The following BICD1 variants were observed in gnomAD, a reference collection of about 807,000 sequenced individuals.
BICD1 encodes protein bicaudal D homolog 1.
In BICD1, 35 loss-of-function variants were observed where a neutral mutation model predicts 92.5. That is an observed-to-expected ratio of 0.38 (90% CI 0.29 to 0.50). The LOEUF is 0.50. BICD1 is among the 20% of genes least tolerant of loss of function. The probability of loss-of-function intolerance (pLI) is 0.93; values close to 1 mark genes in which losing one functional copy is unlikely to be tolerated. For synonymous variants in BICD1, 429 were observed against 465.1 expected, an observed-to-expected ratio of 0.92 and a Z score of 1.00; for missense variants, 950 against 1,189.8, an observed-to-expected ratio of 0.80 and a Z score of 2.97.
intron 4 of BICD1, among the ~76,000 whole-genome samples, chr12:32,314,084 T>C (rs1948442224): frequency 6.6e-6 from 1 of 152,252 alleles, no homozygotes; most frequent in Non-Finnish European, 1.5e-5. Flanking sequence ...GTCCATGCTG[T>C]AATATATCAG....
At chr12:32,142,468 A>ATCGG (rs1555134330) in intron 1 of BICD1, among the ~76,000 whole-genome samples, 1 of 117,054 alleles carries the variant, frequency 8.5e-6, no homozygotes, top group African/African-American at 3.1e-5. Context: ...CTATCTATCT[A>ATCGG]TCTATCTATC....
At position 32,377,565 on chromosome 12, in the gene BICD1, C is replaced by T; in HGVS notation, c.2866C>T (p.Gln956Ter). Reference sequence around the variant, plus strand: ...TCCTGACACAGCTCTCCCTGAGGAGCAGCCACATTCCAGCTCCCAGTGCGC... The same window carrying T: ...TCCTGACACAGCTCTCCCTGAGGAGTAGCCACATTCCAGCTCCCAGTGCGC... Reference protein sequence around the residue: ...VSPDTALPEEQPHSSSQCAPL... With the variant: ...VSPDTALPEE Residue 956 changes from glutamine (Q) to a stop codon, truncating the protein, a stop_gained, in exon 10 of 10, where the codon CAG becomes TAG. Coordinates refer to ENST00000652176, the MANE Select transcript of BICD1 (RefSeq NM_001714.4). LOFTEE classifies it high-confidence loss of function. The T allele has an allele frequency of 6.2e-7, 1 of 1,614,102 alleles. No individual in the cohort carries two copies. The highest frequency in any genetic ancestry group is 8.5e-7 in the Non-Finnish European group (1 of 1,179,988).
chr12:32,287,753 G>GATCT (rs1261144914), intron 2 of BICD1, among the ~76,000 whole-genome samples: 1 of 152,180 alleles, frequency 6.6e-6, no homozygotes, highest in Non-Finnish European at 1.5e-5. Flanking sequence ...TAGCCAGGAT[G>GATCT]ATCTCGATCT....
At chr12:32,375,204 C>T (rs1310684527) in intron 9 of BICD1, among the ~76,000 whole-genome samples, 2 of 151,812 alleles carry the variant, frequency 1.3e-5, no homozygotes, top group Admixed American at 6.6e-5. Flanking sequence ...GGATTACAGG[C>T]GTGCGCCACC....
intron 1 of BICD1, among the ~76,000 whole-genome samples, chr12:32,206,458 T>A (rs944413763): frequency 5.9e-5 from 9 of 151,956 alleles, no homozygotes; most frequent in African/African-American, 2.2e-4. Flanking sequence ...ATACAAAAAT[T>A]AGCTGGGTGT....
intron 2 of BICD1, among the ~76,000 whole-genome samples, chr12:32,233,686 T>C (rs2121597625): frequency 6.6e-6 from 1 of 152,248 alleles, no homozygotes; most frequent in Admixed American, 6.5e-5. Flanking sequence ...AATAGCTCAA[T>C]TTGGTTTCAA....
At chr12:32,346,554 A>ACGTG (rs1270360438) in intron 8 of BICD1, among the ~76,000 whole-genome samples, 1 of 27,876 alleles carries the variant, frequency 3.6e-5, no homozygotes, top group Non-Finnish European at 5.4e-5. Flanking sequence ...ATATATATAT[A>ACGTG]TATATATATA....
chr12:32,316,626 A>G lies in BICD1; in HGVS notation c.1005+10504A>G, dbSNP rs574403201. ...ATACTTAGGATATTTTCAATTTACA[A>G]TGGTTTTATTGAGATGTAACCCCAT... is the stretch of plus-strand genomic sequence containing the variant. On this transcript the variant is annotated intron_variant, in intron 4 of 9. Coordinates refer to ENST00000652176, the MANE Select transcript of BICD1 (RefSeq NM_001714.4). Among the ~76,000 whole-genome samples the G allele has an allele frequency of 7.2e-5, 11 of 152,128 alleles. No individual in the cohort carries two copies. The South Asian group carries it at 2.1e-3, about 29-fold the overall frequency.
chr12:32,337,539 CAGTT>C lies in BICD1; in HGVS notation c.2296_2299del (p.Leu766GlnfsTer10), dbSNP rs2136280402. On this transcript the variant is annotated frameshift_variant, in exon 7 of 10. Coordinates refer to ENST00000652176, the MANE Select transcript of BICD1 (RefSeq NM_001714.4). LOFTEE classifies it high-confidence loss of function. The surrounding 1 kb of genome is among the most constrained non-coding windows in gnomAD (Gnocchi z 4.7). ...CACCCAGTTGGATGAGATGCAGAGA[CAGTT>C]AGCAGCTGCAGAGGATGAGAAGAAG... 6.2e-7 allele frequency: 1 copy of C among 1,613,880 alleles called. No homozygotes were observed. Among genetic ancestry groups the C allele is most frequent in the Non-Finnish European group, 8.5e-7 (1 of 1,179,792 alleles).
At chr12:32,298,746 T>G (rs34873335) in intron 3 of BICD1, among the ~76,000 whole-genome samples, 20,429 of 150,980 alleles carry the variant, frequency 0.14, 1,893 homozygotes, top group East Asian at 0.39. Context: ...GGCACATGCC[T>G]GTAATCCCAG....
chr12:32,308,814 C>T (rs1948298044), intron 4 of BICD1, among the ~76,000 whole-genome samples: 1 of 152,136 alleles, frequency 6.6e-6, no homozygotes, highest in African/African-American at 2.4e-5. Context: ...TTCTTCAACC[C>T]TTAACTGATG....
intron 5 of BICD1, among the ~76,000 whole-genome samples, chr12:32,329,791 T>A (rs1937758385): frequency 6.6e-6 from 1 of 152,234 alleles, no homozygotes; most frequent in Non-Finnish European, 1.5e-5. Context: ...CCCTCCTTAA[T>A]GACTGAAATT....
At chr12:32,350,381 G>A (rs1938813947) in intron 8 of BICD1, among the ~76,000 whole-genome samples, 1 of 152,176 alleles carries the variant, frequency 6.6e-6, no homozygotes, top group Non-Finnish European at 1.5e-5. Context: ...GGAGGCTGAG[G>A]TGGGAGAATT....
At chr12:32,277,374 A>G (rs1947306174) in intron 2 of BICD1, among the ~76,000 whole-genome samples, 1 of 152,240 alleles carries the variant, frequency 6.6e-6, no homozygotes, top group South Asian at 2.1e-4. Context: ...AGCCTGGGCA[A>G]CAGAGCAAGA....
chr12:32,113,392 T>C (rs1941769144), intron 1 of BICD1, among the ~76,000 whole-genome samples: 1 of 152,172 alleles, frequency 6.6e-6, no homozygotes, highest in African/African-American at 2.4e-5. Context: ...TGAGTTTCTG[T>C]TGTTTTTGAC....
intron 4 of BICD1, among the ~76,000 whole-genome samples, chr12:32,311,976 G>A (rs540387023): frequency 6.6e-6 from 1 of 152,062 alleles, no homozygotes; most frequent in Non-Finnish European, 1.5e-5. Flanking sequence ...TAAATAAAAC[G>A]CATCCGATGA....
At chr12:32,257,304 T>C (rs1457723188) in intron 2 of BICD1, among the ~76,000 whole-genome samples, 1 of 151,580 alleles carries the variant, frequency 6.6e-6, no homozygotes, top group Non-Finnish European at 1.5e-5. Flanking sequence ...GGAGAAAAGG[T>C]TGGACATTTT....
intron 2 of BICD1, among the ~76,000 whole-genome samples, chr12:32,218,967 A>T (rs1469822288): frequency 6.6e-6 from 1 of 152,238 alleles, no homozygotes; most frequent in Non-Finnish European, 1.5e-5. Context: ...ATTGATACAC[A>T]CTTTTAATGG....
chr12:32,226,144 G>A (rs1419506217), intron 2 of BICD1, among the ~76,000 whole-genome samples: 1 of 151,842 alleles, frequency 6.6e-6, no homozygotes, highest in Admixed American at 6.6e-5. Flanking sequence ...TGTTTTGTTT[G>A]TTTGCTTTGA....
Sources: allele counts gnomAD v4.1 joint callset (sites outside exome capture counted in the v4.1 genomes callset), GRCh38; gene constraint gnomAD v4.1.1; non-coding constraint Gnocchi (gnomAD v3.1); transcripts MANE v1.5; gene names NCBI Gene and HGNC (gene_info 2026-07-23, HGNC 2026-07-21).